The following IL1RAPL1 variants were observed in gnomAD, a reference collection of about 807,000 sequenced individuals.
IL1RAPL1 encodes interleukin-1 receptor accessory protein-like 1.
Under a neutral mutation model 48.4 loss-of-function variants are expected in IL1RAPL1, and 3 were observed. That is an observed-to-expected ratio of 0.06 (90% CI 0.03 to 0.16). The LOEUF (loss-of-function observed/expected upper bound fraction) is 0.16, where lower values mean the gene tolerates loss of function less well. Ranked by LOEUF, IL1RAPL1 falls within the 10% of genes least tolerant of loss-of-function variation. IL1RAPL1 has a pLI of 1.00. For synonymous variants in IL1RAPL1, 185 were observed against 187.7 expected (o/e 0.99, Z 0.12); for missense variants, 349 against 530.6 (o/e 0.66, Z 3.36).
intron 6 of IL1RAPL1, among the ~76,000 whole-genome samples, chrX:29,803,381 A>G (rs912429183): frequency 3.3e-5 from 3 of 89,840 alleles, no homozygotes; most frequent in Admixed American, 1.2e-4. Context: ...ATATATGTAT[A>G]CATGTATACA....
chrX:29,603,063 C>T (rs912803957), intron 5 of IL1RAPL1, among the ~76,000 whole-genome samples: 4 of 110,198 alleles, frequency 3.6e-5, no homozygotes, highest in Non-Finnish European at 5.7e-5. Flanking sequence ...GTCAGGAGTT[C>T]GAGACCAGTC....
chrX:28,810,702 C>T (rs1175493515), intron 2 of IL1RAPL1, among the ~76,000 whole-genome samples: 1 of 109,395 alleles, frequency 9.1e-6, no homozygotes, highest in Non-Finnish European at 1.9e-5. Flanking sequence ...AATGGAAAAG[C>T]AAAAAGAACA....
At chrX:29,235,569 C>T (rs1931275776) in intron 2 of IL1RAPL1, among the ~76,000 whole-genome samples, 1 of 110,883 alleles carries the variant, frequency 9.0e-6, no homozygotes, top group Admixed American at 9.5e-5. Flanking sequence ...AGCACTATTC[C>T]TGTGTCATTT....
chrX:28,852,765 G>A (rs5943563), intron 2 of IL1RAPL1, among the ~76,000 whole-genome samples: 43,233 of 110,092 alleles, frequency 0.39, 6,216 homozygotes, highest in East Asian at 0.55. Context: ...GGTAAATTAC[G>A]GCCAAAGCTT....
At chrX:29,412,278 G>GA (rs775775782) in intron 5 of IL1RAPL1, among the ~76,000 whole-genome samples, 317 of 99,015 alleles carry the variant, frequency 3.2e-3, no homozygotes, top group African/African-American at 0.011. Flanking sequence ...CAAAAAAAAA[G>GA]AAAAAAAAAA....
chrX:29,879,680 C>T (rs766739885), intron 6 of IL1RAPL1, among the ~76,000 whole-genome samples: 12 of 109,884 alleles, frequency 1.1e-4, no homozygotes, highest in Admixed American at 6.9e-4. Flanking sequence ...TTAAAAATAT[C>T]GTGAAGTCTT....
intron 2 of IL1RAPL1, among the ~76,000 whole-genome samples, chrX:28,957,757 C>G (rs2078784856): frequency 9.2e-6 from 1 of 108,968 alleles, no homozygotes; most frequent in African/African-American, 3.3e-5. Context: ...GTCAGGAGCT[C>G]AAGACCATCC....
Position 29,897,680 on chromosome X carries a change from A to T in IL1RAPL1, c.779-19784A>T, listed in dbSNP as rs113962206. ...GTGTTGGGGAAGCTCACGGTCTTTA[A>T]ATATCGATGAGAAAGGTGTCTCTTC... On this transcript the variant is annotated intron_variant, in intron 6 of 10. Transcript: ENST00000378993. Among the ~76,000 whole-genome samples, 958 of 112,004 alleles carry T rather than the reference A, an allele frequency of 8.6e-3. 10 individuals are homozygous for T. The highest frequency in any genetic ancestry group is 0.029 in the African/African-American group (896 of 30,837).
At chrX:29,458,797 T>C (rs1462603255) in intron 5 of IL1RAPL1, among the ~76,000 whole-genome samples, 2 of 109,482 alleles carry the variant, frequency 1.8e-5, no homozygotes, top group African/African-American at 6.7e-5. Context: ...CAAGTGATCC[T>C]CCTACCTCAG....
At chrX:29,086,675 A>G (rs1252542709) in intron 2 of IL1RAPL1, among the ~76,000 whole-genome samples, 1 of 112,190 alleles carries the variant, frequency 8.9e-6, no homozygotes, top group Non-Finnish European at 1.9e-5. Context: ...TTAAATGCCA[A>G]TCACCTATTA....
At chrX:29,937,313 C>G (rs1933049671) in intron 8 of IL1RAPL1, among the ~76,000 whole-genome samples, 1 of 112,028 alleles carries the variant, frequency 8.9e-6, no homozygotes, top group Admixed American at 9.5e-5. Context: ...GCAACTTGAA[C>G]TAGAGCTGAA....
chrX:29,178,538 T>C (rs1177412320), intron 2 of IL1RAPL1, among the ~76,000 whole-genome samples: 1 of 111,952 alleles, frequency 8.9e-6, no homozygotes, highest in East Asian at 2.8e-4. Context: ...TCTCCCATTC[T>C]GTATGTTGCC....
rs142836714 is a variant in IL1RAPL1 at position 29,542,590 on chromosome X, G to A, written c.704-125840G>A. Among the ~76,000 whole-genome samples, 1,082 of 111,971 alleles carry A rather than the reference G, an allele frequency of 9.7e-3. 16 individuals are homozygous for A. Among genetic ancestry groups the A allele is most frequent in the African/African-American group, 0.033 (1,020 of 30,825 alleles). On this transcript the variant is annotated intron_variant, in intron 5 of 10. Coordinates refer to ENST00000378993, the MANE Select transcript of IL1RAPL1 (RefSeq NM_014271.4). ...CTAACTCTCTGAATCCCTATGGAGA[G>A]TAACACATAGTTTAGCACTTAATCT... is the stretch of plus-strand genomic sequence containing the variant.
At chrX:29,062,716 TTCTTG>T (rs1927369289) in intron 2 of IL1RAPL1, among the ~76,000 whole-genome samples, 1 of 112,123 alleles carries the variant, frequency 8.9e-6, no homozygotes, top group Admixed American at 9.5e-5. Flanking sequence ...TGTTACTGCA[TTCTTG>T]TCTTAGTTTA....
chrX:28,701,130 T>C (rs374348594), intron 1 of IL1RAPL1, among the ~76,000 whole-genome samples: 1 of 111,647 alleles, frequency 9.0e-6, no homozygotes, highest in African/African-American at 3.2e-5. Context: ...AATCTCCACA[T>C]TGTCTTCCAC....
chrX:29,604,152 A>T lies in IL1RAPL1; in HGVS notation c.704-64278A>T, dbSNP rs373502984. Among the ~76,000 whole-genome samples, 344 of 112,260 alleles carry T rather than the reference A, an allele frequency of 3.1e-3. 1 individual carries two copies. Among genetic ancestry groups the T allele is most frequent in the African/African-American group, 0.011 (328 of 30,948 alleles). ...GACAATATATCAAAATATGTTAAAGATGTACAAATGATTGAGGCCACATCA... is the reference window on the plus strand; with the variant it reads ...GACAATATATCAAAATATGTTAAAGTTGTACAAATGATTGAGGCCACATCA... On this transcript the variant is annotated intron_variant, in intron 5 of 10. Transcript: ENST00000378993.
intron 2 of IL1RAPL1, among the ~76,000 whole-genome samples, chrX:29,037,571 C>T (rs182455601): frequency 8.1e-4 from 90 of 111,601 alleles, no homozygotes; most frequent in South Asian, 3.8e-4. Flanking sequence ...AAGTAGTTAC[C>T]GTGCTTTTCA....
chrX:28,706,522 C>T (rs1274660742), intron 1 of IL1RAPL1, among the ~76,000 whole-genome samples: 1 of 110,476 alleles, frequency 9.1e-6, no homozygotes, highest in Non-Finnish European at 1.9e-5. Flanking sequence ...AAGTGATTCT[C>T]CTGCCTCAGC....
At chrX:29,438,670 G>A (rs1269984831) in intron 5 of IL1RAPL1, among the ~76,000 whole-genome samples, 1 of 111,288 alleles carries the variant, frequency 9.0e-6, no homozygotes, top group Non-Finnish European at 1.9e-5. Flanking sequence ...GTGTCCAAAT[G>A]TTTGGAGATT....
Sources: gnomAD v4.1 joint callset for allele counts (sites outside exome capture counted in the v4.1 genomes callset) on GRCh38, gnomAD v4.1.1 for gene constraint, MANE v1.5 for transcripts, NCBI Gene and HGNC (gene_info 2026-07-23, HGNC 2026-07-21) for gene names.